The following GPC3 variants were observed in gnomAD, a reference collection of about 807,000 sequenced individuals.
GPC3 encodes glypican 3, also known as glypican-3.
A neutral mutation model predicts 34.4 loss-of-function variants in GPC3; 3 were observed. The ratio of observed to expected loss-of-function variants is 0.09; its 90% CI spans 0.04 to 0.23. GPC3 has a LOEUF of 0.23. GPC3 is among the 10% of genes least tolerant of loss of function. The pLI, the probability that GPC3 is intolerant of heterozygous loss-of-function variation, is 1.00. For synonymous variants in GPC3, 177 were observed against 174.0 expected (o/e 1.02, Z -0.13); for missense variants, 351 against 445.6 (o/e 0.79, Z 1.91).
chrX:133,595,898 C>T (rs1296577781), intron 7 of GPC3, among the ~76,000 whole-genome samples: 1 of 111,881 alleles, frequency 8.9e-6, no homozygotes, highest in East Asian at 2.8e-4. Context: ...ATAGACATAA[C>T]GTCCTAAGAA....
chrX:133,980,726 C>T (rs73241312), intron 1 of GPC3, among the ~76,000 whole-genome samples: 5,938 of 111,826 alleles, frequency 0.053, 158 homozygotes, highest in Non-Finnish European at 0.082. Flanking sequence ...CTCTTAAGAC[C>T]CATGCTTTTG....
intron 2 of GPC3, among the ~76,000 whole-genome samples, chrX:133,795,573 C>G (rs954033568): frequency 9.1e-6 from 1 of 110,360 alleles, no homozygotes; most frequent in Admixed American, 9.7e-5. Flanking sequence ...ATTTTTCATT[C>G]AAATCTTCAA....
rs1022058829 is a variant in GPC3 at position 133,780,143 on chromosome X, G to A, written c.338-25967C>T. Among the ~76,000 whole-genome samples the A allele has an allele frequency of 3.6e-5, 4 of 111,750 alleles. No individual in the cohort carries two copies. The South Asian group carries it at 1.1e-3, about 32-fold the overall frequency. On this transcript the variant is annotated intron_variant, in intron 2 of 7. Transcript: ENST00000370818. The stretch of plus-strand genomic sequence containing the variant: ...TAGGTTTGATCTTGTAAGCTATGAA[G>A]AGTCACAAAATTTTTTTGTTCTTAT...
At chrX:133,819,157 C>T (rs1231926366) in intron 2 of GPC3, among the ~76,000 whole-genome samples, 5 of 64,944 alleles carry the variant, frequency 7.7e-5, no homozygotes, top group Non-Finnish European at 1.4e-4. Context: ...CCCCACCCCA[C>T]AACAGTCCCC....
chrX:133,594,383 T>G (rs2069888950), intron 7 of GPC3, among the ~76,000 whole-genome samples: 1 of 111,693 alleles, frequency 9.0e-6, no homozygotes, highest in East Asian at 2.8e-4. Flanking sequence ...AATGACTTTA[T>G]GTAAGTTATT....
chrX:133,968,818 A>C (rs1249877364), intron 1 of GPC3, among the ~76,000 whole-genome samples: 10 of 109,289 alleles, frequency 9.2e-5, no homozygotes, highest in Non-Finnish European at 3.8e-5. Flanking sequence ...TTTTAAGAAG[A>C]GAAAAAGGAT....
chrX:133,774,817 A>G (rs914051743), intron 2 of GPC3, among the ~76,000 whole-genome samples: 1 of 111,521 alleles, frequency 9.0e-6, no homozygotes, highest in South Asian at 3.8e-4. Flanking sequence ...TATGAACTCT[A>G]ATCAGTCTGG....
chrX:133,705,296 G>A (rs1383266392), intron 3 of GPC3, among the ~76,000 whole-genome samples: 1 of 108,056 alleles, frequency 9.3e-6, no homozygotes, highest in East Asian at 2.8e-4. Flanking sequence ...ATCTCCCCAG[G>A]CTCAGGTAAT....
At chrX:133,693,106 A>G (rs1421233979) in intron 4 of GPC3, among the ~76,000 whole-genome samples, 2 of 109,757 alleles carry the variant, frequency 1.8e-5, no homozygotes, top group African/African-American at 6.6e-5. Flanking sequence ...CAATTCTAGT[A>G]TATTTTATTA....
At chrX:133,581,552 T>A (rs2069730914) in intron 7 of GPC3, among the ~76,000 whole-genome samples, 1 of 112,531 alleles carries the variant, frequency 8.9e-6, no homozygotes, top group Admixed American at 9.4e-5. Context: ...GTGCAGCACC[T>A]TACAATTTAC....
intron 4 of GPC3, among the ~76,000 whole-genome samples, chrX:133,698,173 G>A (rs1406010981): frequency 2.7e-5 from 3 of 112,136 alleles, no homozygotes; most frequent in Non-Finnish European, 5.6e-5. Context: ...AAGCAGTGAA[G>A]TAGACATTCG....
chrX:133,583,141 C>A (rs2069750221), intron 7 of GPC3, among the ~76,000 whole-genome samples: 1 of 111,348 alleles, frequency 9.0e-6, no homozygotes, highest in African/African-American at 3.3e-5. Context: ...CACAGAGATT[C>A]TCTTCTCCAC....
intron 1 of GPC3, among the ~76,000 whole-genome samples, chrX:133,954,778 G>C (rs1192018786): frequency 1.7e-5 from 1 of 59,323 alleles, no homozygotes; most frequent in African/African-American, 7.2e-5. Flanking sequence ...ATGGAGTTTC[G>C]CTCTTGTCGC....
intron 2 of GPC3, among the ~76,000 whole-genome samples, chrX:133,835,992 C>A (rs369398652): frequency 2.7e-5 from 3 of 112,873 alleles, no homozygotes; most frequent in African/African-American, 9.7e-5. Context: ...CCATCAGTGG[C>A]GGAGCCTAGT....
At position 133,652,413 on chromosome X, in the gene GPC3, AT is replaced by A. The variant is rs755603395; in HGVS notation, c.1413+9316del. 4.5e-5 allele frequency among the ~76,000 whole-genome samples: 5 copies of A among 111,453 alleles called. No individual in the cohort carries two copies. In the East Asian group the frequency reaches 8.5e-4, roughly 19 times the overall value. ...TAGCAAAATAGGGACTATGAAAAAAATATCTAGATCAACTTATTAAACAAGG... is the reference window on the plus strand; with the variant it reads ...TAGCAAAATAGGGACTATGAAAAAAAATCTAGATCAACTTATTAAACAAGG... On this transcript the variant is annotated intron_variant, in intron 6 of 7. Transcript: ENST00000370818.
intron 2 of GPC3, among the ~76,000 whole-genome samples, chrX:133,873,577 T>C (rs887284525): frequency 3.6e-5 from 4 of 111,358 alleles, no homozygotes; most frequent in Middle Eastern, 4.2e-3. Flanking sequence ...AGCTGTTATC[T>C]TCTTGGGGGT....
At chrX:133,924,805 A>G (rs1231750098) in intron 2 of GPC3, among the ~76,000 whole-genome samples, 3 of 111,561 alleles carry the variant, frequency 2.7e-5, no homozygotes, top group Non-Finnish European at 5.6e-5. Context: ...AGGAAAACTG[A>G]GGGCAGTGTT....
chrX:133,835,226 C>T (rs982088485), intron 2 of GPC3, among the ~76,000 whole-genome samples: 4 of 111,965 alleles, frequency 3.6e-5, no homozygotes, highest in Admixed American at 1.9e-4. Context: ...TGATGGTTGT[C>T]AGTATCTGCG....
intron 3 of GPC3, among the ~76,000 whole-genome samples, chrX:133,732,300 T>A (rs1569422376): frequency 9.0e-6 from 1 of 111,366 alleles, no homozygotes. Context: ...GGAACTTGAA[T>A]CTTAAGCCAC....
Sources: allele counts gnomAD v4.1 joint callset (sites outside exome capture counted in the v4.1 genomes callset), GRCh38; gene constraint gnomAD v4.1.1; transcripts MANE v1.5; gene names NCBI Gene and HGNC (gene_info 2026-07-23, HGNC 2026-07-21).